Variants in TCEA1 observed in about 807,000 individuals in gnomAD.
TCEA1 encodes transcription elongation factor A protein 1.
Under a neutral mutation model 43.8 loss-of-function variants are expected in TCEA1, and 21 were observed. That is an observed-to-expected ratio of 0.48 (90% confidence interval 0.34 to 0.69). The LOEUF is 0.69. Among genes scored for constraint, TCEA1 ranks in the 30% least tolerant of loss-of-function variants. The pLI, the probability that TCEA1 is intolerant of heterozygous loss-of-function variation, is 0.01. For missense variants in TCEA1, 250 were observed against 365.1 expected (o/e 0.68, Z 2.57); for synonymous variants, 104 against 117.5 (o/e 0.88, Z 0.75).
chr8:53,968,137 G>T (rs946826342), intron 9 of TCEA1, 25 bp from the exon 10 acceptor site: 10 of 1,511,772 alleles, frequency 6.6e-6, no homozygotes, highest in Middle Eastern at 1.7e-4. Context: ...AAAATATTTT[G>T]TAAGACCTTT....
rs1804169328 is a variant in TCEA1 at position 53,999,209 on chromosome 8, A to C, written c.232+736T>G. 8.5e-5 allele frequency among the ~76,000 whole-genome samples: 11 copies of C among 129,676 alleles called. No homozygotes were observed. The South Asian group carries it at 3.0e-3, about 35-fold the overall frequency. 85.1% of individuals were successfully genotyped at this position (129,676 alleles called of 152,430 possible). On this transcript the variant is annotated intron_variant, in intron 3 of 9. Coordinates refer to ENST00000521604, the MANE Select transcript of TCEA1 (RefSeq NM_006756.4). ...CACTGCACTCCAGCCTGGGCAACAG[A>C]GTGAGACTCAGTCTCAAAAAAAAAA...
At chr8:54,019,004 A>G (rs890611446) in intron 1 of TCEA1, among the ~76,000 whole-genome samples, 1 of 152,216 alleles carries the variant, frequency 6.6e-6, no homozygotes, top group Non-Finnish European at 1.5e-5. Context: ...CTAAATACTT[A>G]GCATCCTCAT....
chr8:53,984,179 A>T (rs1308690840), intron 7 of TCEA1, among the ~76,000 whole-genome samples, 184 bp downstream of exon 7: 1 of 152,240 alleles, frequency 6.6e-6, no homozygotes, highest in African/African-American at 2.4e-5. Flanking sequence ...AAACAGTTGG[A>T]GGGGGAGCAA....
chr8:53,993,127 ATTT>A (rs11306062), intron 4 of TCEA1, among the ~76,000 whole-genome samples: 49 of 84,180 alleles, frequency 5.8e-4, no homozygotes, highest in African/African-American at 2.0e-3. Context: ...TACATGGCTA[ATTT>A]TTTTTTTTTT....
At chr8:54,018,014 C>T (rs1804892178) in intron 1 of TCEA1, among the ~76,000 whole-genome samples, 1 of 152,168 alleles carries the variant, frequency 6.6e-6, no homozygotes, top group African/African-American at 2.4e-5. Context: ...GTCAACTACA[C>T]TTTAAGAATG....
Position 54,022,187 on chromosome 8 carries a change from C to G in TCEA1, c.-62G>C, listed in dbSNP as rs1805067446. 1.4e-5 allele frequency: 22 copies of G among 1,551,894 alleles called. No individual in the cohort carries two copies. In the South Asian group the frequency reaches 2.4e-4, roughly 17 times the overall value. The stretch of plus-strand genomic sequence containing the variant: ...CAAGGGGAAGTGGGCGAAGCTGGAG[C>G]GGAAGACACAGCAGGAGCGACCCCC... On this transcript the variant is annotated 5_prime_UTR_variant, in exon 1 of 10. Coordinates refer to ENST00000521604, the MANE Select transcript of TCEA1 (RefSeq NM_006756.4).
chr8:53,990,752 A>G (rs1182072576), intron 4 of TCEA1, among the ~76,000 whole-genome samples: 1 of 152,214 alleles, frequency 6.6e-6, no homozygotes, highest in Admixed American at 6.5e-5. Context: ...GAAATTGCCC[A>G]TATGGGCTGA....
intron 3 of TCEA1, among the ~76,000 whole-genome samples, chr8:53,995,313 A>G (rs1420169556): frequency 1.3e-5 from 2 of 151,036 alleles, no homozygotes; most frequent in East Asian, 3.9e-4. Context: ...AAAAAAAAAA[A>G]AAGAAAAATT....
At chr8:53,980,521 TTATTA>T (rs1381390612) in intron 7 of TCEA1, among the ~76,000 whole-genome samples, 9 of 152,222 alleles carry the variant, frequency 5.9e-5, no homozygotes, top group Non-Finnish European at 5.9e-5. Flanking sequence ...ATTTTCACTA[TTATTA>T]TATCTGTTAG....
At chr8:54,011,085 G>A (rs1236598623) in intron 1 of TCEA1, among the ~76,000 whole-genome samples, 3 of 152,188 alleles carry the variant, frequency 2.0e-5, no homozygotes, top group Non-Finnish European at 4.4e-5. Context: ...TTACAGGCGT[G>A]AGCCACCATG....
At chr8:53,990,700 T>A (rs1182130564) in intron 4 of TCEA1, among the ~76,000 whole-genome samples, 3 of 152,184 alleles carry the variant, frequency 2.0e-5, no homozygotes, top group Admixed American at 2.0e-4. Context: ...TTAAATGCTT[T>A]TGCTTCTGTG....
chr8:53,971,964 CAAA>C (rs1267934656), intron 8 of TCEA1: 1 of 184,688 alleles, frequency 5.4e-6, no homozygotes, highest in Admixed American at 6.3e-5. Context: ...AAAATTTACA[CAAA>C]AAAGTACAAA....
intron 5 of TCEA1, among the ~76,000 whole-genome samples, chr8:53,987,331 G>C (rs1803720876): frequency 6.6e-6 from 1 of 152,226 alleles, no homozygotes; most frequent in Admixed American, 6.5e-5. Context: ...GCAGAGTAGA[G>C]AAAGTTACAG....
chr8:53,998,023 G>C (rs1192908017), intron 3 of TCEA1, among the ~76,000 whole-genome samples: 1 of 152,082 alleles, frequency 6.6e-6, no homozygotes, highest in African/African-American at 2.4e-5. Context: ...CATTACAATT[G>C]GTCATTTTCT....
At chr8:54,003,086 A>G (rs1490859732) in intron 2 of TCEA1, 4 of 456,204 alleles carry the variant, frequency 8.8e-6, no homozygotes, top group African/African-American at 8.0e-5. Context: ...CAAGGTAGCC[A>G]CTAAATCTTA....
chr8:54,004,809 C>T (rs990019035), intron 2 of TCEA1, among the ~76,000 whole-genome samples: 5 of 151,596 alleles, frequency 3.3e-5, no homozygotes, highest in South Asian at 2.1e-4. Context: ...CATACAGCTA[C>T]GTTTACTATC....
chr8:53,976,195 C>T (rs1803328705), intron 8 of TCEA1, among the ~76,000 whole-genome samples: 2 of 152,122 alleles, frequency 1.3e-5, no homozygotes, highest in Non-Finnish European at 2.9e-5. Flanking sequence ...ACCAGTTTAT[C>T]ACCACTTCAA....
At chr8:54,018,283 C>T (rs1290441409) in intron 1 of TCEA1, among the ~76,000 whole-genome samples, 1 of 152,072 alleles carries the variant, frequency 6.6e-6, no homozygotes, top group Non-Finnish European at 1.5e-5. Context: ...AATAAATAAA[C>T]CTCAGCACTA....
At position 53,988,117 on chromosome 8, in the gene TCEA1, CT is replaced by C; in HGVS notation, c.462del (p.Asp156MetfsTer13). On this transcript the variant is annotated frameshift_variant, in exon 5 of 10. Transcript: ENST00000521604. LOFTEE classifies it high-confidence loss of function. ...CREMLAAALR[T>X]GDDYIAIGAD... ...AAATAACATGCACTGGACTTACCCC[CT>C]GTTCGAAGAGCTGCAGCAAGCATCT... The C allele has an allele frequency of 1.2e-6, 2 of 1,610,768 alleles. No homozygotes were observed. Among genetic ancestry groups the C allele is most frequent in the South Asian group, 1.1e-5 (1 of 90,666 alleles).
Sources: gnomAD v4.1 joint callset for allele counts (sites outside exome capture counted in the v4.1 genomes callset) on GRCh38, gnomAD v4.1.1 for gene constraint, MANE v1.5 for transcripts, NCBI Gene and HGNC (gene_info 2026-07-23, HGNC 2026-07-21) for gene names.